RTN4: variants seen among roughly 807,000 people sequenced by gnomAD.
RTN4 encodes the protein reticulon-4.
In RTN4, 32 loss-of-function variants were observed where a neutral mutation model predicts 90.4. That is an observed-to-expected ratio of 0.35 (90% CI 0.27 to 0.48). The LOEUF (loss-of-function observed/expected upper bound fraction) is 0.48. RTN4 is among the 20% of genes least tolerant of loss of function. RTN4 has a pLI of 0.99. For missense variants in RTN4, 1,706 were observed against 1,430.2 expected (o/e 1.19, Z -3.11); for synonymous variants, 629 against 552.5 (o/e 1.14, Z -1.94).
At chr2:55,118,380 G>A in the RTN4 span, among the ~76,000 whole-genome samples, 12 of 151,924 alleles carry the variant, frequency 7.9e-5, no homozygotes, top group African/African-American at 2.4e-4. Flanking sequence ...TGGGAGGATC[G>A]CTGGAGCTCA....
chr2:54,990,847 G>A (rs1390481947), intron 3 of RTN4, among the ~76,000 whole-genome samples: 2 of 151,798 alleles, frequency 1.3e-5, no homozygotes, highest in African/African-American at 2.4e-5. Context: ...GTGCAGTGGC[G>A]CGATCTCGGC....
chr2:55,023,852 A>T (rs1681625970), intron 3 of RTN4, among the ~76,000 whole-genome samples: 1 of 151,904 alleles, frequency 6.6e-6, no homozygotes. Context: ...CCAACTTGCA[A>T]TCCTTAACTG....
At chr2:55,004,961 A>G (rs1680103091) in intron 3 of RTN4, among the ~76,000 whole-genome samples, 1 of 152,182 alleles carries the variant, frequency 6.6e-6, no homozygotes, top group Admixed American at 6.5e-5. Flanking sequence ...CGGGCCTTTG[A>G]TAAGGACTAC....
At chr2:55,014,838 G>A (rs1302600156) in intron 3 of RTN4, among the ~76,000 whole-genome samples, 1 of 151,888 alleles carries the variant, frequency 6.6e-6, no homozygotes, top group Non-Finnish European at 1.5e-5. Flanking sequence ...TTTAAATTCT[G>A]AATTCAAGAA....
At chr2:55,052,669 C>G (rs965090851), upstream of RTN4, among the ~76,000 whole-genome samples, 1 of 152,152 alleles carries the variant, frequency 6.6e-6, no homozygotes, top group Non-Finnish European at 1.5e-5. Flanking sequence ...CTACAAGAGA[C>G]ATATTTGAAG....
chr2:55,007,850 T>C (rs141621798), intron 3 of RTN4, among the ~76,000 whole-genome samples: 214 of 152,238 alleles, frequency 1.4e-3, no homozygotes, highest in Admixed American at 2.6e-3. Context: ...TATTCTGTTC[T>C]ACCCAGAAAG....
intron 3 of RTN4, chr2:55,010,410 T>C (rs956419751): frequency 8.4e-6 from 10 of 1,186,646 alleles, no homozygotes; most frequent in Admixed American, 4.0e-5. Context: ...TCATACCAAA[T>C]GGAGCTGCAT....
the RTN4 span, among the ~76,000 whole-genome samples, chr2:55,124,752 T>C: frequency 0.95 from 144,585 of 152,328 alleles, 68,723 homozygotes; most frequent in African/African-American, 0.98. Context: ...GCCTGAATAG[T>C]GAAGGCAATC....
chr2:54,988,915 C>G (rs1678789178), intron 3 of RTN4, among the ~76,000 whole-genome samples: 1 of 152,100 alleles, frequency 6.6e-6, no homozygotes, highest in African/African-American at 2.4e-5. Context: ...CCAAAGTGCT[C>G]TTGAATTCAT....
the RTN4 span, among the ~76,000 whole-genome samples, chr2:55,119,206 T>G: frequency 2.0e-5 from 3 of 152,218 alleles, no homozygotes; most frequent in East Asian, 3.8e-4. Context: ...TTGAAACGTT[T>G]TTTTCCTTAT....
In RTN4 at chr2:55,037,583, G is replaced by C. The variant is rs541140719; in HGVS notation, c.557-9363C>G. ...AGAAAATGCTAATATTCTGGCTACTGTCATTGCTGTGAGTAATAAAGTCCT... is the reference window on the plus strand; with the variant it reads ...AGAAAATGCTAATATTCTGGCTACTCTCATTGCTGTGAGTAATAAAGTCCT... On this transcript the variant is annotated intron_variant, in intron 1 of 8. Transcript: ENST00000337526. Among the ~76,000 whole-genome samples the C allele has an allele frequency of 2.0e-5, 3 of 152,310 alleles. No individual in the cohort carries two copies. In the South Asian group the frequency reaches 6.2e-4, roughly 32 times the overall value.
chr2:55,014,693 T>G (rs1393454059), intron 3 of RTN4, among the ~76,000 whole-genome samples: 1 of 152,050 alleles, frequency 6.6e-6, no homozygotes, highest in Non-Finnish European at 1.5e-5. Context: ...ATTTTTGTAT[T>G]TTTAGTAGAG....
At chr2:54,993,826 T>C (rs1679213117) in intron 3 of RTN4, among the ~76,000 whole-genome samples, 1 of 152,084 alleles carries the variant, frequency 6.6e-6, no homozygotes, top group Admixed American at 6.5e-5. Context: ...TAAGATAATA[T>C]GAATATATCC....
chr2:55,015,187 T>C (rs1680943821), intron 3 of RTN4, among the ~76,000 whole-genome samples: 4 of 152,140 alleles, frequency 2.6e-5, no homozygotes, highest in Admixed American at 2.6e-4. Context: ...GCCCAGTTCA[T>C]GGAAGGCAAT....
At chr2:55,137,804 C>G in the RTN4 span, among the ~76,000 whole-genome samples, 1 of 152,198 alleles carries the variant, frequency 6.6e-6, no homozygotes, top group Non-Finnish European at 1.5e-5. Flanking sequence ...CAAGCGGAAC[C>G]TGCCGCAGGC....
chr2:55,047,053 G>A (rs1305410944), intron 1 of RTN4, among the ~76,000 whole-genome samples: 7 of 152,270 alleles, frequency 4.6e-5, no homozygotes, highest in East Asian at 3.9e-4. Flanking sequence ...GTGGCCAGGC[G>A]CAGTGGCTCA....
intron 2 of RTN4, among the ~76,000 whole-genome samples, chr2:55,079,776 C>T (rs904369866): frequency 7.9e-5 from 12 of 152,114 alleles, no homozygotes; most frequent in African/African-American, 2.9e-4. Context: ...ATAAAGAGAC[C>T]AACAGCCCTG....
At chr2:55,021,552 G>A (rs1681444408) in intron 3 of RTN4, among the ~76,000 whole-genome samples, 1 of 151,344 alleles carries the variant, frequency 6.6e-6, no homozygotes, top group Non-Finnish European at 1.5e-5. Context: ...CGAACTCCTG[G>A]GCTCAAGCTA....
intron 2 of RTN4, among the ~76,000 whole-genome samples, chr2:55,066,625 C>T (rs1163917380): frequency 4.0e-5 from 6 of 151,888 alleles, no homozygotes; most frequent in Non-Finnish European, 5.9e-5. Context: ...ACCCGGGAAG[C>T]GGAGGTTGCA....
Sources: allele counts gnomAD v4.1 joint callset (sites outside exome capture counted in the v4.1 genomes callset), GRCh38; gene constraint gnomAD v4.1.1; transcripts MANE v1.5; gene names NCBI Gene and HGNC (gene_info 2026-07-23, HGNC 2026-07-21).